The following PDE3B variants were observed in gnomAD, a reference collection of about 807,000 sequenced individuals.
PDE3B encodes the protein phosphodiesterase 3B, also known as cGMP-inhibited 3',5'-cyclic phosphodiesterase 3B.
In PDE3B, 66 loss-of-function variants were observed where a neutral mutation model predicts 116.8. The ratio of observed to expected loss-of-function variants is 0.56; its 90% CI spans 0.46 to 0.69. The LOEUF is 0.69. PDE3B is among the 30% of genes least tolerant of loss of function. The probability of loss-of-function intolerance (pLI) is 0.00; values close to 1 mark genes in which losing one functional copy is unlikely to be tolerated. For synonymous variants in PDE3B, 595 were observed against 533.6 expected (o/e 1.12, Z -1.59); for missense variants, 1,384 against 1,368.1 (o/e 1.01, Z -0.18).
the PDE3B span, chr11:14,892,237 A>C: frequency 1.3e-6 from 2 of 1,593,230 alleles, no homozygotes; most frequent in Non-Finnish European, 1.7e-6. Flanking sequence ...ACTCCACAGC[A>C]GCCCTGAGAC....
rs749495199 is a variant in PDE3B at position 14,677,521 on chromosome 11, TA to T, written c.978+32469del. ...CCTCGAATCTTAAGTATTTACCTTT[TA>T]TTTTTTTTAATTTAAAATAAAAAAT... is the stretch of plus-strand genomic sequence containing the variant. On this transcript the variant is annotated intron_variant, in intron 1 of 15. Transcript: ENST00000282096. Among the ~76,000 whole-genome samples the T allele has an allele frequency of 8.7e-4, 132 of 152,356 alleles. 1 individual carries two copies. The highest frequency in any genetic ancestry group is 3.0e-3 in the African/African-American group (125 of 41,588).
At chr11:14,880,848 G>T in the PDE3B span, 1 of 1,359,594 alleles carries the variant, frequency 7.4e-7, no homozygotes, top group South Asian at 1.4e-5. Flanking sequence ...TTTTTTTAAT[G>T]GATGGTTAGT....
intron 1 of PDE3B, among the ~76,000 whole-genome samples, chr11:14,721,099 CA>C (rs1447051403): frequency 6.8e-6 from 1 of 147,690 alleles, no homozygotes; most frequent in African/African-American, 2.5e-5. Context: ...ACAACCCCAT[CA>C]AAAAGTGGGC....
chr11:14,845,063 G>A (rs1199981983), intron 12 of PDE3B, among the ~76,000 whole-genome samples: 12 of 152,108 alleles, frequency 7.9e-5, no homozygotes, highest in African/African-American at 4.8e-5. Context: ...CCTGACCCCC[G>A]AGCAGCCTAA....
At chr11:14,812,921 G>C (rs1288137972) in intron 5 of PDE3B, among the ~76,000 whole-genome samples, 1 of 152,156 alleles carries the variant, frequency 6.6e-6, no homozygotes, top group Non-Finnish European at 1.5e-5. Flanking sequence ...GGTCATGTGA[G>C]TGGACTCTTC....
chr11:14,872,205 C>T (rs1590207716), downstream of PDE3B, among the ~76,000 whole-genome samples: 1 of 152,128 alleles, frequency 6.6e-6, no homozygotes, highest in East Asian at 1.9e-4. Flanking sequence ...TAGAAACACA[C>T]TTCACAAAAG....
the PDE3B span, among the ~76,000 whole-genome samples, chr11:14,890,216 C>T: frequency 6.6e-6 from 1 of 151,662 alleles, no homozygotes. Context: ...ATTCTCACTA[C>T]CGAGAAAAAA....
chr11:14,858,504 T>C (rs1385873845), intron 12 of PDE3B, among the ~76,000 whole-genome samples: 1 of 152,126 alleles, frequency 6.6e-6, no homozygotes, highest in Admixed American at 6.5e-5. Flanking sequence ...CATAGTTCTG[T>C]TTTACTCCCA....
intron 2 of PDE3B, among the ~76,000 whole-genome samples, chr11:14,784,065 T>C (rs2133913382): frequency 6.6e-6 from 1 of 152,312 alleles, no homozygotes; most frequent in Non-Finnish European, 1.5e-5. Context: ...ACGCTCCTTA[T>C]GAGAATCTAA....
At chr11:14,809,035 A>T (rs1367301538) in intron 5 of PDE3B, among the ~76,000 whole-genome samples, 1 of 152,208 alleles carries the variant, frequency 6.6e-6, no homozygotes, top group African/African-American at 2.4e-5. Context: ...AGAGTCCCAG[A>T]ATAGCCAAAA....
intron 5 of PDE3B, among the ~76,000 whole-genome samples, chr11:14,812,416 T>G (rs919268496): frequency 6.6e-6 from 1 of 152,004 alleles, no homozygotes; most frequent in African/African-American, 2.4e-5. Context: ...AATCAGAAAA[T>G]ATTTTGAGCT....
rs765915134 is a variant in PDE3B, at chr11:14,830,185, C to A, written c.1808-513C>A. 5.9e-5 allele frequency among the ~76,000 whole-genome samples: 9 copies of A among 152,060 alleles called. 1 individual carries two copies. The highest frequency in any genetic ancestry group is 2.2e-4 in the African/African-American group (9 of 41,420). ...GAATGAATATGAATGTTTTTTAACA[C>A]GTGAATGAATGCTATTTAGCTATGA... On this transcript the variant is annotated intron_variant, in intron 7 of 15. Transcript: ENST00000282096.
At chr11:14,668,498 G>T (rs1319898774) in intron 1 of PDE3B, among the ~76,000 whole-genome samples, 1 of 151,904 alleles carries the variant, frequency 6.6e-6, no homozygotes. Flanking sequence ...AAACTTTTAA[G>T]TACAAATATA....
At position 14,786,463 on chromosome 11, in the gene PDE3B, T is replaced by C; in HGVS notation, c.1056T>C (p.Asp352=). The part of the protein sequence containing the change: ...YQNSGGGNGV[D]LSVLNEARNM... ...ATTCTGGAGGTGGAAATGGAGTTGA[T>C]CTTTCAGTGCTAAATGAGGCTCGCA... The change falls in exon 3 of 16, where the codon GAT becomes GAC. Residue 352 remains aspartate, a synonymous_variant. Coordinates refer to ENST00000282096, the MANE Select transcript of PDE3B (RefSeq NM_000922.4). The C allele has an allele frequency of 6.2e-7, 1 of 1,611,832 alleles. No homozygotes were observed. Among genetic ancestry groups the C allele is most frequent in the Non-Finnish European group, 8.5e-7 (1 of 1,178,362 alleles).
intron 1 of PDE3B, among the ~76,000 whole-genome samples, chr11:14,709,035 A>G (rs781754433): frequency 6.6e-6 from 1 of 152,160 alleles, no homozygotes; most frequent in African/African-American, 2.4e-5. Flanking sequence ...TGTTGAGTTT[A>G]TCAAGCAAAA....
At chr11:14,832,864 TC>T in intron 10 of PDE3B, 31 bp downstream of exon 10, 1 of 940,382 alleles carries the variant, frequency 1.1e-6, no homozygotes, top group Non-Finnish European at 1.7e-6. Context: ...TTATTTAAGT[TC>T]AAATAATATG....
chr11:14,871,438 G>A lies in PDE3B; in HGVS notation c.*1778G>A, dbSNP rs1156349731. ...AGAGTACATTTTCCATCATGTTTAA[G>A]TGTATTTCTGCTATTATTTCCTCTC... On this transcript the variant is annotated 3_prime_UTR_variant, in exon 16 of 16. Coordinates refer to ENST00000282096, the MANE Select transcript of PDE3B (RefSeq NM_000922.4). 1 of 151,998 alleles carries A rather than the reference G, an allele frequency of 6.6e-6. No homozygotes were observed. The highest frequency in any genetic ancestry group is 1.9e-4 in the East Asian group (1 of 5,198). The allele number at this position is 151,998 out of a possible 1,614,324, so 9.4% of individuals were successfully genotyped here.
chr11:14,657,146 G>C (rs1337993903), intron 1 of PDE3B, among the ~76,000 whole-genome samples: 1 of 152,134 alleles, frequency 6.6e-6, no homozygotes, highest in Non-Finnish European at 1.5e-5. Flanking sequence ...TGTCCCATAA[G>C]CTTTTTGTTC....
At chr11:14,879,332 A>G in the PDE3B span, 1 of 1,613,008 alleles carries the variant, frequency 6.2e-7, no homozygotes, top group Non-Finnish European at 8.5e-7. Flanking sequence ...TATATTACAG[A>G]ATCTTAAAAC....
Sources: allele counts gnomAD v4.1 joint callset (sites outside exome capture counted in the v4.1 genomes callset), GRCh38; gene constraint gnomAD v4.1.1; transcripts MANE v1.5; gene names NCBI Gene and HGNC (gene_info 2026-07-23, HGNC 2026-07-21).